Variants in ATXN7L1 observed in about 807,000 individuals in gnomAD.
ATXN7L1 encodes ataxin 7 like 1.
A neutral mutation model predicts 70.8 loss-of-function variants in ATXN7L1; 15 were observed. The ratio of observed to expected loss-of-function variants is 0.21; its 90% CI spans 0.14 to 0.33. The LOEUF is 0.33. ATXN7L1 is among the 10% of genes least tolerant of loss of function. ATXN7L1 has a pLI of 1.00. For synonymous variants in ATXN7L1, 440 were observed against 445.1 expected (o/e 0.99, Z 0.14); for missense variants, 975 against 1,097.1 (o/e 0.89, Z 1.57).
intron 2 of ATXN7L1, among the ~76,000 whole-genome samples, chr7:105,823,789 G>A (rs1810479341): frequency 6.6e-6 from 1 of 152,196 alleles, no homozygotes; most frequent in African/African-American, 2.4e-5. Context: ...TGGGCAGAGT[G>A]GAGGAAACAG....
At chr7:105,641,214 C>CTCTTTTTTT (rs1316374331) in intron 5 of ATXN7L1, among the ~76,000 whole-genome samples, 540 of 21,648 alleles carry the variant, frequency 0.025, 99 homozygotes, top group Non-Finnish European at 0.037. Context: ...CTCTCTCTCT[C>CTCTTTTTTT]TTTTTTTTTT....
chr7:105,668,192 C>T lies in ATXN7L1; in HGVS notation c.356-2904G>A, dbSNP rs184063253. ...TACAATCACCTTCTAAAAGAATTCT[C>T]GTTAGTGGTTCTGGCTGACACATTC... On this transcript the variant is annotated intron_variant, in intron 3 of 11. Coordinates refer to ENST00000419735, the MANE Select transcript of ATXN7L1 (RefSeq NM_020725.2). Among the ~76,000 whole-genome samples the T allele has an allele frequency of 5.8e-4, 88 of 152,278 alleles. 1 individual carries two copies. Among genetic ancestry groups the T allele is most frequent in the Middle Eastern group, 3.4e-3 (1 of 294 alleles).
chr7:105,723,753 CT>C (rs1053468833), intron 3 of ATXN7L1, among the ~76,000 whole-genome samples: 3 of 152,078 alleles, frequency 2.0e-5, no homozygotes, highest in African/African-American at 7.2e-5. Flanking sequence ...TTTGTTTTGC[CT>C]GTTTGTGGAT....
At chr7:105,609,315 G>A (rs1156457996) in intron 11 of ATXN7L1, among the ~76,000 whole-genome samples, 5 of 150,952 alleles carry the variant, frequency 3.3e-5, no homozygotes, top group Non-Finnish European at 4.4e-5. Flanking sequence ...GATTACAGGT[G>A]CGCACCACCA....
At chr7:105,843,748 A>C (rs1243711975) in intron 2 of ATXN7L1, among the ~76,000 whole-genome samples, 1 of 152,228 alleles carries the variant, frequency 6.6e-6, no homozygotes, top group Admixed American at 6.5e-5. Context: ...CTCAAGAGAC[A>C]GGAGATAAGA....
intron 3 of ATXN7L1, among the ~76,000 whole-genome samples, chr7:105,714,893 G>C (rs1470252966): frequency 6.6e-6 from 1 of 152,124 alleles, no homozygotes; most frequent in African/African-American, 2.4e-5. Context: ...TTGAACTCCT[G>C]ACCTCAGGTG....
Position 105,642,895 on chromosome 7 carries a change from C to G in ATXN7L1, c.805G>C (p.Asp269His). Reference protein sequence around the residue: ...NGKGILPTTIDKKHQNGTKNS... With the variant: ...NGKGILPTTIHKKHQNGTKNS... ...TTGGTGCCATTTTGGTGTTTCTTGTCTATGGTGGTTGGCAGAATTCCTTTG... is the reference window on the plus strand; with the variant it reads ...TTGGTGCCATTTTGGTGTTTCTTGTGTATGGTGGTTGGCAGAATTCCTTTG... The change falls in exon 5 of 12, where the codon GAC becomes CAC. Residue 269 changes from aspartate to histidine, a missense_variant. By Grantham distance (81) the Asp-to-His change is moderately conservative. This residue lies in a region of ATXN7L1 where 192 missense variants were observed against 215.5 expected (regional missense o/e 0.89). Coordinates refer to ENST00000419735, the MANE Select transcript of ATXN7L1 (RefSeq NM_020725.2). 1.3e-6 allele frequency: 2 copies of G among 1,551,736 alleles called. No individual in the cohort carries two copies. Among genetic ancestry groups the G allele is most frequent in the Non-Finnish European group, 1.7e-6 (2 of 1,147,010 alleles).
At chr7:105,612,126 G>A (rs2115719583) in intron 10 of ATXN7L1, among the ~76,000 whole-genome samples, 1 of 152,318 alleles carries the variant, frequency 6.6e-6, no homozygotes, top group East Asian at 1.9e-4. Context: ...ACTCAACACA[G>A]AGGGACTCTG....
At chr7:105,810,624 A>G (rs937717014) in intron 2 of ATXN7L1, among the ~76,000 whole-genome samples, 3 of 152,212 alleles carry the variant, frequency 2.0e-5, no homozygotes, top group African/African-American at 7.2e-5. Flanking sequence ...GAGCTAGTGC[A>G]AAGGTCCAGA....
At chr7:105,633,019 A>G (rs1796836536) in intron 7 of ATXN7L1, among the ~76,000 whole-genome samples, 1 of 152,034 alleles carries the variant, frequency 6.6e-6, no homozygotes, top group South Asian at 2.1e-4. Context: ...GACGTGTGCA[A>G]AGAAATGATA....
At chr7:105,635,180 T>G (rs1797176163) in intron 7 of ATXN7L1, among the ~76,000 whole-genome samples, 1 of 152,220 alleles carries the variant, frequency 6.6e-6, no homozygotes, top group Non-Finnish European at 1.5e-5. Context: ...TCCTGCGGGC[T>G]CTCAGCCTGG....
intron 2 of ATXN7L1, among the ~76,000 whole-genome samples, chr7:105,873,651 C>T (rs1167548599): frequency 1.3e-5 from 2 of 152,160 alleles, no homozygotes; most frequent in Non-Finnish European, 2.9e-5. Context: ...GATTTCAGCC[C>T]ATATATGGCT....
intron 11 of ATXN7L1, 135 bp downstream of exon 11, chr7:105,610,393 AG>A: frequency 1.3e-6 from 1 of 754,170 alleles, no homozygotes; most frequent in Non-Finnish European, 2.2e-6. Context: ...TAGAAGGCCT[AG>A]GTTTGGAAGC....
intron 3 of ATXN7L1, among the ~76,000 whole-genome samples, chr7:105,728,464 T>C (rs1796159886): frequency 6.6e-6 from 1 of 152,146 alleles, no homozygotes; most frequent in Non-Finnish European, 1.5e-5. Flanking sequence ...CATATGGTAA[T>C]TGGTTAGAGT....
At chr7:105,710,674 G>A (rs1353320442) in intron 3 of ATXN7L1, among the ~76,000 whole-genome samples, 1 of 152,126 alleles carries the variant, frequency 6.6e-6, no homozygotes, top group Non-Finnish European at 1.5e-5. Flanking sequence ...GCCTCCCAAA[G>A]TGCTGGGATT....
At chr7:105,722,560 T>TAAAAAAAAAAAA (rs56228890) in intron 3 of ATXN7L1, among the ~76,000 whole-genome samples, 1 of 20,838 alleles carries the variant, frequency 4.8e-5, no homozygotes, top group African/African-American at 1.4e-4. Context: ...GACTCTGCCT[T>TAAAAAAAAAAAA]AAAAAAAAAA....
intron 3 of ATXN7L1, among the ~76,000 whole-genome samples, chr7:105,784,307 A>G (rs997526752): frequency 2.8e-4 from 42 of 152,100 alleles, no homozygotes; most frequent in Admixed American, 3.9e-4. Flanking sequence ...AAATCGTAGG[A>G]CACTGAATTG....
intron 2 of ATXN7L1, among the ~76,000 whole-genome samples, chr7:105,863,713 C>T (rs1816973835): frequency 1.3e-5 from 2 of 152,176 alleles, no homozygotes; most frequent in African/African-American, 4.8e-5. Context: ...CTCTGAGCCT[C>T]AGCTTCCCAA....
intron 2 of ATXN7L1, among the ~76,000 whole-genome samples, chr7:105,799,150 G>A (rs913726699): frequency 1.3e-5 from 2 of 152,216 alleles, no homozygotes; most frequent in Non-Finnish European, 2.9e-5. Context: ...CCATAAAGAA[G>A]CCCTCCTGCG....
Sources: gnomAD v4.1 joint callset for allele counts (sites outside exome capture counted in the v4.1 genomes callset) on GRCh38, gnomAD v4.1.1 for gene constraint, gnomAD v4.1.1 regional missense constraint, MANE v1.5 for transcripts, NCBI Gene and HGNC (gene_info 2026-07-23, HGNC 2026-07-21) for gene names.